Variants in VAV3 observed in about 807,000 individuals in gnomAD.
VAV3 encodes the protein guanine nucleotide exchange factor VAV3.
In VAV3, 94 loss-of-function variants were observed where a neutral mutation model predicts 131.2. The ratio of observed to expected loss-of-function variants is 0.72; its 90% CI spans 0.61 to 0.85. VAV3 has a LOEUF of 0.85. Among genes scored for constraint, VAV3 ranks in the 40% least tolerant of loss-of-function variants. VAV3 has a pLI of 0.00. For missense variants in VAV3, 939 were observed against 1,002.7 expected (o/e 0.94, Z 0.86); for synonymous variants, 349 against 342.0 (o/e 1.02, Z -0.22).
chr1:107,598,620 A>C (rs981015535), intron 24 of VAV3, among the ~76,000 whole-genome samples: 1 of 152,216 alleles, frequency 6.6e-6, no homozygotes, highest in Non-Finnish European at 1.5e-5. Flanking sequence ...AAAAAGAAAC[A>C]AAAGACCATG....
At chr1:107,654,344 T>A (rs1272461699) in intron 19 of VAV3, among the ~76,000 whole-genome samples, 1 of 152,046 alleles carries the variant, frequency 6.6e-6, no homozygotes, top group Admixed American at 6.6e-5. Flanking sequence ...ATTTCAGAGA[T>A]TTAGTCTCAA....
intron 1 of VAV3, among the ~76,000 whole-genome samples, chr1:107,954,645 C>T (rs1249070630): frequency 6.6e-6 from 1 of 151,298 alleles, no homozygotes; most frequent in Non-Finnish European, 1.5e-5. Flanking sequence ...AAGCTATTCT[C>T]CTGTCCTGAG....
chr1:107,658,982 T>C (rs1164591463), intron 19 of VAV3, among the ~76,000 whole-genome samples: 1 of 152,210 alleles, frequency 6.6e-6, no homozygotes, highest in Non-Finnish European at 1.5e-5. Flanking sequence ...TTTTGGCTTT[T>C]GTTGCCATTG....
intron 19 of VAV3, among the ~76,000 whole-genome samples, chr1:107,650,717 C>G (rs1349060524): frequency 2.5e-5 from 3 of 121,034 alleles, no homozygotes; most frequent in African/African-American, 9.1e-5. Flanking sequence ...CCCCCTCCCC[C>G]CACCCCACAA....
chr1:107,900,263 C>T (rs1317136999), intron 1 of VAV3, among the ~76,000 whole-genome samples: 1 of 152,140 alleles, frequency 6.6e-6, no homozygotes, highest in Non-Finnish European at 1.5e-5. Flanking sequence ...TACAGTGTAG[C>T]CGCAAAGTAT....
intron 19 of VAV3, among the ~76,000 whole-genome samples, chr1:107,675,711 C>T (rs192226295): frequency 1.2e-4 from 18 of 152,236 alleles, no homozygotes; most frequent in Admixed American, 6.5e-4. Flanking sequence ...ACAAAACATG[C>T]TGTGTTAGGT....
rs115972346 is a variant in VAV3, at chr1:107,749,963, G to A, written c.1260-369C>T. ...CTATAGAATAATATTAATGACATCC[G>A]TAGCAGCTTCTACTGAAGTTACTAG... On this transcript the variant is annotated intron_variant, in intron 13 of 26. Transcript: ENST00000370056. 1.7e-3 allele frequency among the ~76,000 whole-genome samples: 252 copies of A among 151,840 alleles called. 1 individual carries two copies. The highest frequency in any genetic ancestry group is 4.8e-3 in the African/African-American group (198 of 41,390).
intron 2 of VAV3, among the ~76,000 whole-genome samples, chr1:107,843,079 C>G (rs1190275851): frequency 6.6e-6 from 1 of 152,050 alleles, no homozygotes; most frequent in Non-Finnish European, 1.5e-5. Context: ...CTCCGCCCTT[C>G]CCAATAGTTT....
intron 2 of VAV3, among the ~76,000 whole-genome samples, chr1:107,808,012 T>C (rs1030729658): frequency 6.6e-6 from 1 of 152,158 alleles, no homozygotes. Flanking sequence ...ATTGCGGCTA[T>C]TTTCATAAAC....
At chr1:107,860,367 G>C (rs1243861625) in intron 2 of VAV3, among the ~76,000 whole-genome samples, 1 of 144,232 alleles carries the variant, frequency 6.9e-6, no homozygotes, top group Non-Finnish European at 1.6e-5. Context: ...TAGTTTTCTA[G>C]GTTTTATATG....
At chr1:107,731,986 T>A (rs1485052881) in intron 15 of VAV3, among the ~76,000 whole-genome samples, 1 of 152,206 alleles carries the variant, frequency 6.6e-6, no homozygotes, top group African/African-American at 2.4e-5. Flanking sequence ...ACACTTAACT[T>A]ACAACAACTT....
At chr1:107,679,529 T>G (rs549101401) in intron 19 of VAV3, among the ~76,000 whole-genome samples, 62 of 152,252 alleles carry the variant, frequency 4.1e-4, no homozygotes, top group Middle Eastern at 3.4e-3. Context: ...ATGCTATGAG[T>G]TCCACAAATA....
intron 2 of VAV3, among the ~76,000 whole-genome samples, chr1:107,830,615 T>C (rs1489901756): frequency 6.6e-6 from 1 of 152,160 alleles, no homozygotes; most frequent in African/African-American, 2.4e-5. Context: ...CCTGCCTCTT[T>C]GCAGACATCC....
intron 20 of VAV3, among the ~76,000 whole-genome samples, chr1:107,627,574 T>C (rs933295320): frequency 6.6e-6 from 1 of 152,202 alleles, no homozygotes; most frequent in African/African-American, 2.4e-5. Context: ...ATAAAGCATG[T>C]CTTTCAAAAT....
chr1:107,672,648 A>T (rs934668681), intron 19 of VAV3, among the ~76,000 whole-genome samples: 2 of 152,052 alleles, frequency 1.3e-5, no homozygotes, highest in African/African-American at 4.8e-5. Context: ...GATCTCTCTC[A>T]CACACACACA....
At chr1:107,884,704 C>A (rs1670949471) in intron 1 of VAV3, among the ~76,000 whole-genome samples, 1 of 151,868 alleles carries the variant, frequency 6.6e-6, no homozygotes, top group African/African-American at 2.4e-5. Context: ...CCCACCTTAA[C>A]CTCCCAAAGT....
chr1:107,836,310 C>A (rs1668475172), intron 2 of VAV3, among the ~76,000 whole-genome samples: 1 of 152,124 alleles, frequency 6.6e-6, no homozygotes, highest in African/African-American at 2.4e-5. Flanking sequence ...ATTCAAACAA[C>A]TTACTCCTGA....
intron 1 of VAV3, among the ~76,000 whole-genome samples, chr1:107,918,707 T>TATATATA (rs1557923397): frequency 1.6e-4 from 8 of 49,444 alleles, no homozygotes; most frequent in Admixed American, 4.4e-4. Flanking sequence ...ATATATATAT[T>TATATATA]TTTTTTTTTT....
At chr1:107,626,345 T>G (rs1471792193) in intron 20 of VAV3, among the ~76,000 whole-genome samples, 1 of 152,178 alleles carries the variant, frequency 6.6e-6, no homozygotes, top group Non-Finnish European at 1.5e-5. Flanking sequence ...TCTATAATCA[T>G]CTCTCCCAAG....
Sources: allele counts gnomAD v4.1 joint callset (sites outside exome capture counted in the v4.1 genomes callset), GRCh38; gene constraint gnomAD v4.1.1; transcripts MANE v1.5; gene names NCBI Gene and HGNC (gene_info 2026-07-23, HGNC 2026-07-21).